The following MNAT1 variants were observed in gnomAD, a reference collection of about 807,000 sequenced individuals.
MNAT1 encodes CDK-activating kinase assembly factor MAT1.
In MNAT1, 43 loss-of-function variants were observed where a neutral mutation model predicts 42.0. That is an observed-to-expected ratio of 1.02 (90% CI 0.80 to 1.32). The LOEUF is 1.32. Ranked by LOEUF, MNAT1 falls within the 40% of genes most tolerant of loss-of-function variation. The pLI, the probability that MNAT1 is intolerant of heterozygous loss-of-function variation, is 0.00. For missense variants in MNAT1, 306 were observed against 350.4 expected (o/e 0.87, Z 1.01); for synonymous variants, 118 against 120.0 (o/e 0.98, Z 0.11).
At chr14:60,844,216 T>C (rs2033624394) in intron 6 of MNAT1, among the ~76,000 whole-genome samples, 1 of 152,184 alleles carries the variant, frequency 6.6e-6, no homozygotes, top group Non-Finnish European at 1.5e-5. Context: ...GATTGCTTTT[T>C]GCATATCCTT....
intron 7 of MNAT1, among the ~76,000 whole-genome samples, chr14:60,903,461 T>C (rs528199868): frequency 9.2e-4 from 140 of 152,296 alleles, no homozygotes; most frequent in Middle Eastern, 3.4e-3. Context: ...TATAATACTT[T>C]AAAAATCTTA....
intron 7 of MNAT1, among the ~76,000 whole-genome samples, chr14:60,918,985 G>A (rs1003451061): frequency 6.6e-6 from 1 of 152,010 alleles, no homozygotes; most frequent in Non-Finnish European, 1.5e-5. Flanking sequence ...CTAACCAAGT[G>A]AAGGGGCAAG....
chr14:60,736,692 T>G (rs1219288688), intron 1 of MNAT1, among the ~76,000 whole-genome samples: 1 of 152,182 alleles, frequency 6.6e-6, no homozygotes, highest in Non-Finnish European at 1.5e-5. Context: ...CATTCTTTAC[T>G]CTTACCGGCT....
At chr14:60,782,949 C>G (rs2031516043) in intron 1 of MNAT1, among the ~76,000 whole-genome samples, 1 of 152,214 alleles carries the variant, frequency 6.6e-6, no homozygotes, top group South Asian at 2.1e-4. Context: ...CTATATAATA[C>G]ATCCCTGAAG....
chr14:60,762,573 GT>G (rs2030648391), intron 1 of MNAT1, among the ~76,000 whole-genome samples: 1 of 152,058 alleles, frequency 6.6e-6, no homozygotes, highest in Middle Eastern at 3.4e-3. Flanking sequence ...AGGCATGGTG[GT>G]GGATGCCTGT....
chr14:60,868,968 T>G (rs1311585303), intron 6 of MNAT1, among the ~76,000 whole-genome samples: 1 of 150,244 alleles, frequency 6.7e-6, no homozygotes, highest in Non-Finnish European at 1.5e-5. Flanking sequence ...GCAGTTGCCT[T>G]AGTGTTCATA....
chr14:60,913,575 A>C (rs988620905), intron 7 of MNAT1, among the ~76,000 whole-genome samples: 1 of 151,842 alleles, frequency 6.6e-6, no homozygotes, highest in Non-Finnish European at 1.5e-5. Context: ...GGTCTGTTGG[A>C]GTTTACTGGA....
intron 6 of MNAT1, among the ~76,000 whole-genome samples, chr14:60,844,215 T>G (rs570984314): frequency 9.9e-5 from 15 of 152,170 alleles, no homozygotes; most frequent in Non-Finnish European, 2.1e-4. Flanking sequence ...AGATTGCTTT[T>G]TGCATATCCT....
intron 7 of MNAT1, among the ~76,000 whole-genome samples, chr14:60,949,078 AAAG>A (rs2036334499): frequency 6.6e-6 from 1 of 152,208 alleles, no homozygotes; most frequent in Non-Finnish European, 1.5e-5. Flanking sequence ...GTATATCTTT[AAAG>A]AAGGATGGAC....
intron 6 of MNAT1, among the ~76,000 whole-genome samples, chr14:60,873,011 A>G (rs2034363103): frequency 6.6e-6 from 1 of 152,174 alleles, no homozygotes; most frequent in Non-Finnish European, 1.5e-5. Context: ...CCATAATGCC[A>G]TAATCACACC....
At chr14:60,888,651 T>C (rs1216814045) in intron 7 of MNAT1, among the ~76,000 whole-genome samples, 2 of 149,412 alleles carry the variant, frequency 1.3e-5, no homozygotes, top group South Asian at 2.2e-4. Flanking sequence ...AAAGAGGAAG[T>C]CAAATTGTCC....
At chr14:60,804,792 C>T (rs2032317676) in intron 3 of MNAT1, among the ~76,000 whole-genome samples, 1 of 152,140 alleles carries the variant, frequency 6.6e-6, no homozygotes, top group African/African-American at 2.4e-5. Context: ...ATCCAGAACT[C>T]ATAAAGTTTT....
intron 7 of MNAT1, among the ~76,000 whole-genome samples, chr14:60,912,352 G>A (rs1157216728): frequency 6.6e-6 from 1 of 152,070 alleles, no homozygotes; most frequent in Non-Finnish European, 1.5e-5. Context: ...GTGTGAATTT[G>A]ATCCTGTCAT....
intron 6 of MNAT1, among the ~76,000 whole-genome samples, chr14:60,852,939 G>T (rs2033861300): frequency 6.6e-6 from 1 of 152,098 alleles, no homozygotes; most frequent in Admixed American, 6.6e-5. Context: ...TGCTGTTTTG[G>T]TTACTGTAGC....
At chr14:60,861,549 A>T (rs919822872) in intron 6 of MNAT1, among the ~76,000 whole-genome samples, 1 of 114,800 alleles carries the variant, frequency 8.7e-6, no homozygotes, top group East Asian at 2.3e-4. Flanking sequence ...TCAGTTTAAT[A>T]TTGAATTATT....
chr14:60,746,190 G>A (rs1303473231), intron 1 of MNAT1, among the ~76,000 whole-genome samples: 1 of 152,098 alleles, frequency 6.6e-6, no homozygotes, highest in Non-Finnish European at 1.5e-5. Context: ...GCCCCCTGAA[G>A]CTCTTAAAAT....
intron 6 of MNAT1, among the ~76,000 whole-genome samples, chr14:60,829,339 ACT>A (rs1467119027): frequency 6.6e-6 from 1 of 151,932 alleles, no homozygotes; most frequent in Admixed American, 6.5e-5. Flanking sequence ...ATGCCTAGTA[ACT>A]CTTTCTTATA....
chr14:60,873,149 C>A (rs2139453135), intron 6 of MNAT1, among the ~76,000 whole-genome samples: 1 of 152,244 alleles, frequency 6.6e-6, no homozygotes, highest in Non-Finnish European at 1.5e-5. Flanking sequence ...GTGACTCTCA[C>A]TATGTTTATT....
rs902887335 is a variant in MNAT1 at position 60,757,862 on chromosome 14, C to G, written c.89+22911C>G. 1.4e-4 allele frequency among the ~76,000 whole-genome samples: 21 copies of G among 152,042 alleles called. 1 individual carries two copies. The highest frequency in any genetic ancestry group is 1.5e-5 in the Non-Finnish European group (1 of 68,018). ...TTTTTATTTTATGACTTCCTGTGTA[C>G]AAGGAGTTGATGATGCAAAGTTGAA... On this transcript the variant is annotated intron_variant, in intron 1 of 7. Transcript: ENST00000261245.
Sources: allele counts gnomAD v4.1 joint callset (sites outside exome capture counted in the v4.1 genomes callset), GRCh38; gene constraint gnomAD v4.1.1; transcripts MANE v1.5; gene names NCBI Gene and HGNC (gene_info 2026-07-23, HGNC 2026-07-21).